Variants in RNF150 observed in about 807,000 individuals in gnomAD.
The protein encoded by RNF150 is ring finger protein 150.
Under a neutral mutation model 39.3 loss-of-function variants are expected in RNF150, and 24 were observed. That is an observed-to-expected ratio of 0.61 (90% CI 0.44 to 0.86). RNF150 has a LOEUF of 0.86. RNF150 is among the 40% of genes least tolerant of loss of function. RNF150 has a pLI of 0.00. For synonymous variants in RNF150, 255 were observed against 227.3 expected (o/e 1.12, Z -1.10); for missense variants, 502 against 587.8 (o/e 0.85, Z 1.51).
chr4:140,939,835 C>G (rs1409929677), intron 4 of RNF150, among the ~76,000 whole-genome samples: 1 of 152,184 alleles, frequency 6.6e-6, no homozygotes, highest in Non-Finnish European at 1.5e-5. Context: ...ACCTGAGAAA[C>G]AGGCAGTCAT....
At chr4:141,088,389 AAGG>A (rs1483886306) in intron 1 of RNF150, among the ~76,000 whole-genome samples, 2 of 152,204 alleles carry the variant, frequency 1.3e-5, no homozygotes, top group Non-Finnish European at 2.9e-5. Flanking sequence ...AGCCAACTTG[AAGG>A]AGAAACTGGG....
At chr4:141,167,908 A>T (rs1041438617) in intron 1 of RNF150, among the ~76,000 whole-genome samples, 6 of 152,240 alleles carry the variant, frequency 3.9e-5, no homozygotes, top group African/African-American at 1.4e-4. Flanking sequence ...TTAAAACGCC[A>T]AAAGCAATGG....
At chr4:141,021,364 G>C (rs1024836703) in intron 1 of RNF150, among the ~76,000 whole-genome samples, 1 of 152,170 alleles carries the variant, frequency 6.6e-6, no homozygotes, top group African/African-American at 2.4e-5. Flanking sequence ...GAGAATCTTT[G>C]TCAGTTGTAC....
intron 1 of RNF150, among the ~76,000 whole-genome samples, chr4:140,986,121 G>GAAC (rs958582002): frequency 5.3e-5 from 8 of 152,030 alleles, no homozygotes; most frequent in Non-Finnish European, 7.4e-5. Flanking sequence ...TCTATAAATA[G>GAAC]ATTACTTATA....
At chr4:141,154,541 G>T (rs770371727) in intron 1 of RNF150, among the ~76,000 whole-genome samples, 4 of 152,184 alleles carry the variant, frequency 2.6e-5, no homozygotes, top group Non-Finnish European at 5.9e-5. Context: ...ACACACTCGA[G>T]AACAAGTGGA....
At chr4:141,050,743 C>T (rs1736745014) in intron 1 of RNF150, among the ~76,000 whole-genome samples, 2 of 152,210 alleles carry the variant, frequency 1.3e-5, no homozygotes, top group Admixed American at 6.5e-5. Flanking sequence ...GTACAGCCTC[C>T]CTCCTGGCTA....
chr4:140,984,376 A>G (rs560485029), intron 1 of RNF150, among the ~76,000 whole-genome samples: 3 of 152,276 alleles, frequency 2.0e-5, no homozygotes, highest in Non-Finnish European at 2.9e-5. Flanking sequence ...ACTAATATGT[A>G]AGTGAACAGA....
intron 1 of RNF150, among the ~76,000 whole-genome samples, chr4:141,086,824 T>C (rs1560731252): frequency 4.6e-5 from 7 of 151,912 alleles, no homozygotes; most frequent in Admixed American, 3.9e-4. Context: ...GTTACAATAA[T>C]ACAAAATCAA....
chr4:141,147,959 G>A (rs1291978507), intron 1 of RNF150, among the ~76,000 whole-genome samples: 1 of 152,088 alleles, frequency 6.6e-6, no homozygotes, highest in Non-Finnish European at 1.5e-5. Flanking sequence ...ACCAATTCAT[G>A]TCATCCTTTA....
At chr4:140,924,374 G>GA (rs1731300804) in intron 5 of RNF150, among the ~76,000 whole-genome samples, 1 of 152,134 alleles carries the variant, frequency 6.6e-6, no homozygotes, top group South Asian at 2.1e-4. Flanking sequence ...TACCTCCATT[G>GA]AAAAAATCTG....
chr4:141,115,868 T>C (rs1200975743), intron 1 of RNF150, among the ~76,000 whole-genome samples: 2 of 152,030 alleles, frequency 1.3e-5, no homozygotes, highest in Non-Finnish European at 2.9e-5. Flanking sequence ...CTTTGACAAA[T>C]CTGACAAAAA....
intron 2 of RNF150, among the ~76,000 whole-genome samples, chr4:140,960,731 G>A (rs1290478522): frequency 6.6e-6 from 1 of 151,974 alleles, no homozygotes; most frequent in Non-Finnish European, 1.5e-5. Context: ...ATTCCATTTT[G>A]TTTCAAAGTG....
At chr4:140,922,985 A>G (rs1731222757) in intron 5 of RNF150, among the ~76,000 whole-genome samples, 1 of 150,992 alleles carries the variant, frequency 6.6e-6, no homozygotes, top group South Asian at 2.1e-4. Flanking sequence ...TGGATTAAAG[A>G]CTTAAACGTT....
rs1466018432 is a variant in RNF150 at position 140,860,753 on chromosome 4, C to A, written c.*7508G>T. On this transcript the variant is annotated 3_prime_UTR_variant, in exon 7 of 7. Transcript: ENST00000515673. ...AAATTCATTATTTGCAGATTTTTTT[C>A]TAGTGGGAAATAATATGCTGTACAA... The A allele has an allele frequency of 6.6e-6, 1 of 151,996 alleles. No individual in the cohort carries two copies. Among genetic ancestry groups the A allele is most frequent in the Non-Finnish European group, 1.5e-5 (1 of 67,986 alleles). The allele number at this position is 151,996 out of a possible 1,614,324, so 9.4% of individuals were successfully genotyped here.
At chr4:141,030,949 TTA>T (rs1255330824) in intron 1 of RNF150, among the ~76,000 whole-genome samples, 1 of 152,090 alleles carries the variant, frequency 6.6e-6, no homozygotes, top group African/African-American at 2.4e-5. Context: ...ATGATAAATT[TTA>T]TGTTATATGC....
intron 1 of RNF150, among the ~76,000 whole-genome samples, chr4:141,061,289 G>T (rs1737217005): frequency 6.6e-6 from 1 of 152,024 alleles, no homozygotes; most frequent in Admixed American, 6.6e-5. Flanking sequence ...TGACTGCATG[G>T]AGGCTTCATT....
intron 1 of RNF150, among the ~76,000 whole-genome samples, chr4:141,188,075 G>A (rs1407115862): frequency 1.3e-5 from 2 of 152,168 alleles, no homozygotes; most frequent in Non-Finnish European, 2.9e-5. Flanking sequence ...TTGCTTGTCT[G>A]GAAAGGATTG....
chr4:140,971,072 T>C (rs1172186524), intron 1 of RNF150, among the ~76,000 whole-genome samples: 1 of 152,132 alleles, frequency 6.6e-6, no homozygotes, highest in Non-Finnish European at 1.5e-5. Flanking sequence ...TTCTGATGAA[T>C]GCACAAAATC....
intron 1 of RNF150, among the ~76,000 whole-genome samples, chr4:141,084,674 T>C (rs1401272383): frequency 6.6e-6 from 1 of 152,206 alleles, no homozygotes; most frequent in African/African-American, 2.4e-5. Context: ...GAGTGTATAC[T>C]TAGGAATAAG....
Sources: gnomAD v4.1 joint callset for allele counts (sites outside exome capture counted in the v4.1 genomes callset) on GRCh38, gnomAD v4.1.1 for gene constraint, MANE v1.5 for transcripts, NCBI Gene and HGNC (gene_info 2026-07-23, HGNC 2026-07-21) for gene names.